Variants in RHEX observed in about 807,000 individuals in gnomAD.
RHEX encodes regulator of hemoglobinization and erythroid cell expansion protein.
Under a neutral mutation model 20.1 loss-of-function variants are expected in RHEX, and 18 were observed. The ratio of observed to expected loss-of-function variants is 0.90; its 90% confidence interval spans 0.62 to 1.33. The LOEUF is 1.33. Among genes scored for constraint, RHEX ranks in the 40% most tolerant of loss-of-function variants. The pLI, the probability that RHEX is intolerant of heterozygous loss-of-function variation, is 0.00. For missense variants in RHEX, 192 were observed against 214.3 expected (o/e 0.90, Z 0.65); for synonymous variants, 87 against 77.1 (o/e 1.13, Z -0.67).
Position 206,097,532 on chromosome 1 carries a change from T to C in RHEX, c.-96-201T>C, listed in dbSNP as rs1571874113. 4.5e-5 allele frequency: 21 copies of C among 471,036 alleles called. No individual in the cohort carries two copies. In the East Asian group the frequency reaches 7.9e-4, roughly 18 times the overall value. The allele number at this position is 471,036 out of a possible 1,614,324, so 29.2% of individuals were successfully genotyped here. On this transcript the variant is annotated intron_variant, in intron 1 of 5. Transcript: ENST00000331555. ...GAAACTAAACAGAAATCTCTGGGAG[T>C]GAAAATGTTAAGTGCACTTTACTCA...
intron 1 of RHEX, among the ~76,000 whole-genome samples, chr1:206,073,386 T>C (rs377029417): frequency 1.3e-5 from 2 of 152,198 alleles, no homozygotes; most frequent in African/African-American, 4.8e-5. Context: ...GATAAACACT[T>C]GTATAGTCTT....
rs1293225355 is a variant in RHEX at position 206,097,926 on chromosome 1, G to A, written c.11+87G>A. On this transcript the variant is annotated intron_variant, in intron 2 of 5. Transcript: ENST00000331555. ...TCCAAGCACACATAGCACCCTTCCTGGCTGCCCCAGCCTTATTGTCCAGAG... is the reference window on the plus strand; with the variant it reads ...TCCAAGCACACATAGCACCCTTCCTAGCTGCCCCAGCCTTATTGTCCAGAG... The A allele has an allele frequency of 4.9e-6, 6 of 1,228,150 alleles. No individual in the cohort carries two copies. The Admixed American group carries it at 5.0e-5, about 10-fold the overall frequency. The allele number at this position is 1,228,150 out of a possible 1,614,324, so 76.1% of individuals were successfully genotyped here.
intron 1 of RHEX, among the ~76,000 whole-genome samples, chr1:206,081,458 A>G (rs1662733870): frequency 6.6e-6 from 1 of 152,212 alleles, no homozygotes; most frequent in African/African-American, 2.4e-5. Context: ...TATAAGAAAA[A>G]TGTAGTCCAG....
rs567482596 is a variant in RHEX at position 206,068,192 on chromosome 1, C to T, written c.-97+14927C>T. On this transcript the variant is annotated intron_variant, in intron 1 of 5. Coordinates refer to ENST00000331555, the MANE Select transcript of RHEX (RefSeq NM_001007544.4). ...CTTAAAAGTGTCATAGTTTGGACGA[C>T]GTATTATGTGGTTACCTGTTAATGA... Among the ~76,000 whole-genome samples the T allele has an allele frequency of 5.1e-4, 78 of 152,154 alleles. 2 individuals carry two copies. Among genetic ancestry groups the T allele is most frequent in the East Asian group, 1.9e-4 (1 of 5,190 alleles).
chr1:206,100,490 G>A (rs1436225271), intron 4 of RHEX, among the ~76,000 whole-genome samples: 1 of 152,196 alleles, frequency 6.6e-6, no homozygotes, highest in Non-Finnish European at 1.5e-5. Flanking sequence ...TGGCCTCAGT[G>A]CCTGCCTGTG....
intron 1 of RHEX, among the ~76,000 whole-genome samples, chr1:206,089,340 G>C (rs57739902): frequency 6.6e-6 from 1 of 152,014 alleles, no homozygotes; most frequent in Admixed American, 6.6e-5. Flanking sequence ...ACCACGCCCA[G>C]CCTTATGTTC....
chr1:206,100,383 AG>A (rs1663164861), intron 4 of RHEX, among the ~76,000 whole-genome samples: 1 of 152,242 alleles, frequency 6.6e-6, no homozygotes, highest in South Asian at 2.1e-4. Flanking sequence ...ACTCCCTGAT[AG>A]GGGCTCACTC....
chr1:206,063,832 A>G (rs1662355873), intron 1 of RHEX, among the ~76,000 whole-genome samples: 1 of 151,420 alleles, frequency 6.6e-6, no homozygotes, highest in Admixed American at 6.6e-5. Flanking sequence ...GGAAGTGAGG[A>G]GCGTCTCTGC....
chr1:206,065,580 T>C (rs1457778801), intron 1 of RHEX, among the ~76,000 whole-genome samples: 8 of 152,234 alleles, frequency 5.3e-5, no homozygotes, highest in African/African-American at 1.9e-4. Flanking sequence ...AGTCTTGCTC[T>C]GGCAACCCCA....
chr1:206,093,457 G>C (rs1434778890), intron 1 of RHEX, among the ~76,000 whole-genome samples: 1 of 152,010 alleles, frequency 6.6e-6, no homozygotes, highest in Admixed American at 6.6e-5. Flanking sequence ...TTTTAGTAGA[G>C]ACGGGGTTTC....
chr1:206,099,876 A>G (rs574729026), intron 4 of RHEX, 78 bp downstream of exon 4: 5 of 1,397,636 alleles, frequency 3.6e-6, no homozygotes, highest in Non-Finnish European at 5.0e-6. Flanking sequence ...TCCCTGCAGC[A>G]ACCCCATGGG....
At chr1:206,062,603 G>T (rs191139138) in intron 1 of RHEX, among the ~76,000 whole-genome samples, 1 of 152,330 alleles carries the variant, frequency 6.6e-6, no homozygotes, top group South Asian at 2.1e-4. Context: ...CAATACAACT[G>T]CTGGACAATA....
At chr1:206,078,503 G>A (rs1177444004) in intron 1 of RHEX, among the ~76,000 whole-genome samples, 1 of 152,192 alleles carries the variant, frequency 6.6e-6, no homozygotes, top group Admixed American at 6.5e-5. Flanking sequence ...TGAAGCTGCA[G>A]CGAGCCATGA....
At chr1:206,101,570 G>C (rs1663186935) in intron 5 of RHEX, among the ~76,000 whole-genome samples, 182 bp from the exon 6 acceptor site, 1 of 152,128 alleles carries the variant, frequency 6.6e-6, no homozygotes, top group African/African-American at 2.4e-5. Flanking sequence ...CAGACAGGTG[G>C]AACAAAGTCA....
At chr1:206,064,879 T>G (rs1158381658) in intron 1 of RHEX, among the ~76,000 whole-genome samples, 1 of 147,992 alleles carries the variant, frequency 6.8e-6, no homozygotes, top group African/African-American at 2.7e-5. Flanking sequence ...ATGGTTGCCG[T>G]GTCTGTGTAG....
At chr1:206,060,516 T>C (rs1571851282) in intron 1 of RHEX, 1 of 152,182 alleles carries the variant, frequency 6.6e-6, no homozygotes, top group Non-Finnish European at 1.5e-5. Flanking sequence ...TCTGTGGGGA[T>C]TGGTGTGAGT....
At chr1:206,078,401 A>G (rs1662674206) in intron 1 of RHEX, among the ~76,000 whole-genome samples, 1 of 151,990 alleles carries the variant, frequency 6.6e-6, no homozygotes, top group Non-Finnish European at 1.5e-5. Context: ...AATGTTTTTA[A>G]ACATTAAAAA....
chr1:206,057,662 T>G (rs1662219397), intron 1 of RHEX, among the ~76,000 whole-genome samples: 1 of 152,264 alleles, frequency 6.6e-6, no homozygotes, highest in African/African-American at 2.4e-5. Context: ...ATTGGCACCA[T>G]TAAGCCATCT....
intron 5 of RHEX, 61 bp from the exon 6 acceptor site, chr1:206,101,691 G>T: frequency 3.1e-6 from 4 of 1,301,140 alleles, no homozygotes; most frequent in Non-Finnish European, 4.4e-6. Flanking sequence ...CAGTCCTGGG[G>T]TCTTATTTCC....
Sources: gnomAD v4.1 joint callset for allele counts (sites outside exome capture counted in the v4.1 genomes callset) on GRCh38, gnomAD v4.1.1 for gene constraint, MANE v1.5 for transcripts, NCBI Gene and HGNC (gene_info 2026-07-23, HGNC 2026-07-21) for gene names.